The following IPO11 variants were observed in gnomAD, a reference collection of about 807,000 sequenced individuals.
The protein encoded by IPO11 is importin 11, also known as importin-11.
Under a neutral mutation model 143.2 loss-of-function variants are expected in IPO11, and 66 were observed. The ratio of observed to expected loss-of-function variants is 0.46; its 90% CI spans 0.38 to 0.57. The LOEUF (loss-of-function observed/expected upper bound fraction) is 0.57. Among genes scored for constraint, IPO11 ranks in the 20% least tolerant of loss-of-function variants. The pLI is 0.00. For missense variants in IPO11, 1,026 were observed against 1,141.0 expected (o/e 0.90, Z 1.45); for synonymous variants, 385 against 377.8 (o/e 1.02, Z -0.22).
chr5:62,504,630 T>C, intron 16 of IPO11, 37 bp from the exon 17 acceptor site: 1 of 1,260,086 alleles, frequency 7.9e-7, no homozygotes, highest in Non-Finnish European at 1.1e-6. Flanking sequence ...TTAGTCATTC[T>C]AAAATAATTA....
intron 28 of IPO11, among the ~76,000 whole-genome samples, chr5:62,593,512 A>T (rs1339882625): frequency 6.6e-6 from 1 of 152,134 alleles, no homozygotes; most frequent in Non-Finnish European, 1.5e-5. Context: ...CAACAAAAAA[A>T]GTGGAGTGAC....
At chr5:62,484,188 A>G (rs116711259) in intron 11 of IPO11, 26 bp downstream of exon 11, 4 of 1,564,148 alleles carry the variant, frequency 2.6e-6, no homozygotes, top group Non-Finnish European at 3.4e-6. Context: ...TTAGTGTTAG[A>G]ATGACTTTTC....
At chr5:62,606,688 T>G (rs1745731485) in intron 29 of IPO11, among the ~76,000 whole-genome samples, 1 of 152,018 alleles carries the variant, frequency 6.6e-6, no homozygotes, top group South Asian at 2.1e-4. Flanking sequence ...TACAAAAAAA[T>G]TAGCCGGGCG....
chr5:62,479,148 C>A (rs192942700), intron 9 of IPO11, among the ~76,000 whole-genome samples: 2 of 152,140 alleles, frequency 1.3e-5, no homozygotes, highest in African/African-American at 4.8e-5. Context: ...CAAGTGTTCT[C>A]ATTGTTCGAT....
chr5:62,533,841 T>C (rs1036428936), intron 22 of IPO11, among the ~76,000 whole-genome samples: 3 of 151,970 alleles, frequency 2.0e-5, no homozygotes, highest in African/African-American at 7.3e-5. Context: ...TGCTTGTGAT[T>C]GTAGCTGCTC....
chr5:62,574,609 T>C (rs1355098164), intron 27 of IPO11, among the ~76,000 whole-genome samples: 1 of 152,200 alleles, frequency 6.6e-6, no homozygotes, highest in South Asian at 2.1e-4. Flanking sequence ...TAGCTTTTTC[T>C]AAGTTGAAAC....
At chr5:62,560,068 A>G (rs1743723288) in intron 26 of IPO11, among the ~76,000 whole-genome samples, 1 of 152,132 alleles carries the variant, frequency 6.6e-6, no homozygotes, top group Admixed American at 6.5e-5. Flanking sequence ...TGCTCTTGGC[A>G]AGACAATTAA....
intron 29 of IPO11, among the ~76,000 whole-genome samples, chr5:62,617,053 G>A (rs1746168877): frequency 6.6e-6 from 1 of 152,220 alleles, no homozygotes; most frequent in African/African-American, 2.4e-5. Context: ...ACCTTGTTGA[G>A]CATTTTTATC....
At chr5:62,565,899 G>A (rs915962403) in intron 27 of IPO11, among the ~76,000 whole-genome samples, 6 of 151,710 alleles carry the variant, frequency 4.0e-5, no homozygotes, top group South Asian at 4.2e-4. Flanking sequence ...CTGTTCCTGC[G>A]TTAATTGCTG....
chr5:62,455,788 T>G (rs1012887373), intron 5 of IPO11, among the ~76,000 whole-genome samples: 20 of 152,048 alleles, frequency 1.3e-4, no homozygotes, highest in Non-Finnish European at 2.6e-4. Context: ...AGAGAGGTGC[T>G]GTCTTGGCTC....
intron 19 of IPO11, among the ~76,000 whole-genome samples, chr5:62,513,587 C>G (rs2591671): frequency 0.71 from 90,730 of 127,174 alleles, 31,339 homozygotes; most frequent in African/African-American, 0.79. Context: ...GCTGGGCAGA[C>G]GGGCTCCTGG....
At chr5:62,435,024 C>G (rs1561308579) in intron 1 of IPO11, among the ~76,000 whole-genome samples, 1 of 127,150 alleles carries the variant, frequency 7.9e-6, no homozygotes, top group East Asian at 2.3e-4. Flanking sequence ...GACGCTGTCT[C>G]AAAAAAAAAA....
intron 29 of IPO11, among the ~76,000 whole-genome samples, chr5:62,622,527 C>T (rs905888000): frequency 6.6e-6 from 1 of 152,142 alleles, no homozygotes; most frequent in Non-Finnish European, 1.5e-5. Context: ...CATTTAATTG[C>T]TCTGAAGATG....
chr5:62,437,155 G>A lies in IPO11; in HGVS notation c.-6-119G>A. 1.1e-5 allele frequency: 7 copies of A among 654,298 alleles called. No homozygotes were observed. In the South Asian group the frequency reaches 2.2e-4, roughly 21 times the overall value. 40.5% of individuals were successfully genotyped at this position (654,298 alleles called of 1,614,324 possible). The stretch of plus-strand genomic sequence containing the variant: ...TAGAAAAGATAGAAAGGCAGAACAT[G>A]AAGGATTAGATGAATGGGAGTAATT... On this transcript the variant is annotated intron_variant, in intron 1 of 29. Transcript: ENST00000325324.
chr5:62,496,071 C>T (rs898933156), intron 16 of IPO11, among the ~76,000 whole-genome samples: 3 of 152,012 alleles, frequency 2.0e-5, no homozygotes, highest in East Asian at 3.9e-4. Context: ...GGGCTGATCA[C>T]GAGGTCAGGA....
At chr5:62,421,745 A>G (rs190651558) in intron 1 of IPO11, among the ~76,000 whole-genome samples, 1 of 152,350 alleles carries the variant, frequency 6.6e-6, no homozygotes, top group East Asian at 1.9e-4. Flanking sequence ...GAGAAAAATT[A>G]TTTTAATGAT....
At chr5:62,574,538 C>T (rs554255381) in intron 27 of IPO11, among the ~76,000 whole-genome samples, 1 of 152,234 alleles carries the variant, frequency 6.6e-6, no homozygotes, top group African/African-American at 2.4e-5. Flanking sequence ...ATTAGTGTTC[C>T]AAAGGTTTCA....
chr5:62,607,023 A>G (rs1462666471), intron 29 of IPO11, among the ~76,000 whole-genome samples: 1 of 152,192 alleles, frequency 6.6e-6, no homozygotes, highest in African/African-American at 2.4e-5. Flanking sequence ...TGCTCTTGCC[A>G]AATACTGTAC....
rs1743350753 is a variant in IPO11, at chr5:62,550,432, CTA to C, written c.2318_2319del (p.Tyr773CysfsTer31). On this transcript the variant is annotated frameshift_variant, in exon 25 of 30. Coordinates refer to ENST00000325324, the MANE Select transcript of IPO11 (RefSeq NM_016338.5). LOFTEE classifies it high-confidence loss of function. ...GPQMFQPILP[Y>X]VFKGIIEGER... ...CACAAATGTTTCAACCGATTTTACC[CTA>C]TGTTTTCAAGGGTATTATAGAAGGG... The C allele has an allele frequency of 5.6e-6, 9 of 1,612,820 alleles. No homozygotes were observed. The highest frequency in any genetic ancestry group is 7.6e-6 in the Non-Finnish European group (9 of 1,179,256).
Sources: allele counts gnomAD v4.1 joint callset (sites outside exome capture counted in the v4.1 genomes callset), GRCh38; gene constraint gnomAD v4.1.1; transcripts MANE v1.5; gene names NCBI Gene and HGNC (gene_info 2026-07-23, HGNC 2026-07-21).